ABCA13: variants seen among roughly 807,000 people sequenced by gnomAD.
ABCA13 encodes the protein ATP binding cassette subfamily A member 13.
ABCA13 carries 476 observed loss-of-function variants against 478.7 expected under a neutral mutation model. The ratio of observed to expected loss-of-function variants is 0.99; its 90% CI spans 0.92 to 1.07. The LOEUF (loss-of-function observed/expected upper bound fraction) is 1.07. Among genes scored for constraint, ABCA13 ranks in the 50% least tolerant of loss-of-function variants. The pLI, the probability that ABCA13 is intolerant of heterozygous loss-of-function variation, is 0.00. For missense variants in ABCA13, 6,060 were observed against 5,910.6 expected (o/e 1.03, Z -0.83); for synonymous variants, 2,252 against 2,158.9 (o/e 1.04, Z -1.20).
intron 3 of ABCA13, among the ~76,000 whole-genome samples, chr7:48,210,759 A>G (rs1005286752): frequency 2.6e-5 from 4 of 152,138 alleles, no homozygotes; most frequent in African/African-American, 7.2e-5. Flanking sequence ...GTGGCCTAAT[A>G]TATAATATAT....
At chr7:48,552,922 C>G (rs1785466141) in intron 55 of ABCA13, among the ~76,000 whole-genome samples, 1 of 151,540 alleles carries the variant, frequency 6.6e-6, no homozygotes, top group Non-Finnish European at 1.5e-5. Flanking sequence ...TTCTTTACAA[C>G]TACTTCTTGT....
In ABCA13 at chr7:48,295,847, C is replaced by A. The variant is rs761109085; in HGVS notation, c.9103C>A (p.Gln3035Lys). 6.2e-7 allele frequency: 1 copy of A among 1,612,190 alleles called. No individual in the cohort carries two copies. The highest frequency in any genetic ancestry group is 8.5e-7 in the Non-Finnish European group (1 of 1,178,938). The change falls in exon 21 of 62, where the codon CAG becomes AAG. Residue 3035 changes from glutamine to lysine, a missense_variant. By Grantham distance (53) the Gln-to-Lys change is moderately conservative. Coordinates refer to ENST00000435803, the MANE Select transcript of ABCA13 (RefSeq NM_152701.5). Reference protein sequence around the residue: ...CTSQPRLETVQQHLYMLAKSL... With the variant: ...CTSQPRLETVKQHLYMLAKSL... ...AAGCCAGCCGAGGCTGGAGACGGTG[C>A]AGCAGCACTTGTACATGTATGCTCT...
chr7:48,459,804 A>G (rs535190305), intron 43 of ABCA13, among the ~76,000 whole-genome samples: 1 of 152,346 alleles, frequency 6.6e-6, no homozygotes, highest in Admixed American at 6.5e-5. Flanking sequence ...TTGGACAGGC[A>G]GCAGACAAAC....
intron 55 of ABCA13, among the ~76,000 whole-genome samples, chr7:48,572,238 G>A (rs924105003): frequency 2.0e-5 from 3 of 151,836 alleles, no homozygotes; most frequent in East Asian, 1.9e-4. Flanking sequence ...TATGGACTTG[G>A]CATACATTTT....
At chr7:48,230,631 C>A (rs922838008) in intron 7 of ABCA13, among the ~76,000 whole-genome samples, 1 of 152,140 alleles carries the variant, frequency 6.6e-6, no homozygotes, top group Non-Finnish European at 1.5e-5. Flanking sequence ...ATCCATCCAT[C>A]CATCTGCCTA....
chr7:48,313,097 C>T lies in ABCA13; in HGVS notation c.9547C>T (p.Leu3183Phe). The T allele has an allele frequency of 6.2e-7, 1 of 1,608,480 alleles. No homozygotes were observed. Among genetic ancestry groups the T allele is most frequent in the Non-Finnish European group, 8.5e-7 (1 of 1,177,528 alleles). The change falls in exon 25 of 62, where the codon CTC becomes TTC. Residue 3183 changes from leucine (L) to phenylalanine (F), a missense_variant. Around this residue, in one of 3 missense-constraint regions of ABCA13, gnomAD observed 4,423 missense variants for 4,309.1 expected, o/e 1.03. Transcript: ENST00000435803. Reference sequence around the variant, plus strand: ...GATGCCTTCTGAAGCAAATGGCTTGCTCAACTCCTTGCTGGATATAGTTTC... The same window carrying T: ...GATGCCTTCTGAAGCAAATGGCTTGTTCAACTCCTTGCTGGATATAGTTTC... Reference protein sequence around the residue: ...TLMPSEANGLLNSLLDIVSSL... With the variant: ...TLMPSEANGLFNSLLDIVSSL...
chr7:48,355,548 T>TGGGTGGAAAAGAGCTTGTA (rs1003172564), intron 31 of ABCA13, among the ~76,000 whole-genome samples: 6 of 151,958 alleles, frequency 3.9e-5, no homozygotes, highest in Non-Finnish European at 7.4e-5. Context: ...CTCACGCTGT[T>TGGGTGGAAAAGAGCTTGTA]GGGTGGAAAA....
intron 58 of ABCA13, chr7:48,612,004 C>A (rs1792071821): frequency 6.6e-6 from 1 of 152,038 alleles, no homozygotes; most frequent in African/African-American, 2.4e-5. Context: ...AACAAAGAAA[C>A]CTCAACTTAC....
At position 48,171,524 on chromosome 7, in the gene ABCA13, A is replaced by G; in HGVS notation, c.41A>G (p.Lys14Arg). 1 of 1,536,380 alleles carries G rather than the reference A, an allele frequency of 6.5e-7. No individual in the cohort carries two copies. The highest frequency in any genetic ancestry group is 1.4e-5 in the African/African-American group (1 of 73,142). Residue 14 changes from lysine to arginine, a missense_variant, in exon 1 of 62, where the codon AAG becomes AGG. Transcript: ENST00000435803. ...TGCCAGTTCAAAGCCCTGCTGTGGA[A>G]GAATTGGCTCTGCAGACTCAGGAAC... ...AGCQFKALLW[K>R]NWLCRLRNPV...
chr7:48,479,640 A>G (rs1442472082), intron 45 of ABCA13, among the ~76,000 whole-genome samples: 2 of 152,300 alleles, frequency 1.3e-5, no homozygotes, highest in Admixed American at 1.3e-4. Flanking sequence ...GAAATTTTGT[A>G]TCCATTGACC....
intron 1 of ABCA13, 120 bp from the exon 2 acceptor site, chr7:48,192,834 CTCCTG>C: frequency 4.2e-6 from 3 of 709,582 alleles, no homozygotes; most frequent in Non-Finnish European, 6.9e-6. Flanking sequence ...TGTCTGTGGG[CTCCTG>C]TCCCAAATGA....
At chr7:48,556,342 T>C (rs1785824521) in intron 55 of ABCA13, among the ~76,000 whole-genome samples, 1 of 151,934 alleles carries the variant, frequency 6.6e-6, no homozygotes, top group Non-Finnish European at 1.5e-5. Flanking sequence ...ACAGATTAAG[T>C]CCAATGTTTC....
intron 48 of ABCA13, among the ~76,000 whole-genome samples, chr7:48,490,025 A>C (rs1185788979): frequency 6.6e-6 from 1 of 152,244 alleles, no homozygotes; most frequent in Non-Finnish European, 1.5e-5. Context: ...TGAAACATTA[A>C]TTCACATAGA....
Position 48,528,320 on chromosome 7 carries a change from C to A in ABCA13, c.14329C>A (p.His4777Asn). The change falls in exon 55 of 62, where the codon CAT (histidine) becomes AAT (asparagine). Residue 4777 changes from histidine to asparagine, a missense_variant. Physicochemically the swap from His to Asn is moderately conservative, Grantham distance 68. Transcript: ENST00000435803. ...LNGEVSLTSG[H>N]AIIRTPMGDA... ...TGGTGAAGTTTCTCTAACTTCAGGA[C>A]ATGCTATCATCAGGACTCCCATGGG... 1 of 1,567,584 alleles carries A rather than the reference C, an allele frequency of 6.4e-7. No individual in the cohort carries two copies. The highest frequency in any genetic ancestry group is 8.7e-7 in the Non-Finnish European group (1 of 1,155,058).
At chr7:48,320,699 A>C (rs1803322715) in intron 27 of ABCA13, among the ~76,000 whole-genome samples, 1 of 152,248 alleles carries the variant, frequency 6.6e-6, no homozygotes, top group African/African-American at 2.4e-5. Context: ...AATAAGTAGC[A>C]TGCCTGAAAT....
chr7:48,171,553 G>T lies in ABCA13; in HGVS notation c.69+1G>T. ...TTGGCTCTGCAGACTCAGGAACCCG[G>T]TGAGTGCTTGCCTTGGTTTTCCATA... On this transcript the variant is annotated splice_donor_variant, in intron 1 of 61. Transcript: ENST00000435803. LOFTEE classifies it high-confidence loss of function. 1 of 1,536,360 alleles carries T rather than the reference G, an allele frequency of 6.5e-7. No individual in the cohort carries two copies. The highest frequency in any genetic ancestry group is 8.7e-7 in the Non-Finnish European group (1 of 1,146,882).
chr7:48,453,032 T>C (rs1825231486), intron 42 of ABCA13, among the ~76,000 whole-genome samples: 1 of 152,172 alleles, frequency 6.6e-6, no homozygotes, highest in African/African-American at 2.4e-5. Flanking sequence ...TAGGTAGAGA[T>C]ATAAAATTTA....
chr7:48,338,922 C>T (rs986994913), intron 29 of ABCA13, among the ~76,000 whole-genome samples: 23 of 152,280 alleles, frequency 1.5e-4, no homozygotes, highest in African/African-American at 5.5e-4. Context: ...ATTTGCTGGA[C>T]ACACGAGGAG....
chr7:48,432,387 A>G (rs947042257), intron 42 of ABCA13, among the ~76,000 whole-genome samples: 2 of 152,302 alleles, frequency 1.3e-5, no homozygotes, highest in South Asian at 2.1e-4. Flanking sequence ...GTGAATAAGT[A>G]TAGCCATTAT....
Sources: gnomAD v4.1 joint callset for allele counts (sites outside exome capture counted in the v4.1 genomes callset) on GRCh38, gnomAD v4.1.1 for gene constraint, gnomAD v4.1.1 regional missense constraint, MANE v1.5 for transcripts, NCBI Gene and HGNC (gene_info 2026-07-23, HGNC 2026-07-21) for gene names.